Variants in BABAM2 observed in about 807,000 individuals in gnomAD.
BABAM2 encodes BRISC and BRCA1 A complex member 2.
BABAM2 carries 31 observed loss-of-function variants against 54.7 expected under a neutral mutation model. The observed-to-expected ratio is 0.57, with a 90% confidence interval of 0.43 to 0.77. The LOEUF (loss-of-function observed/expected upper bound fraction) is 0.77. Among genes scored for constraint, BABAM2 ranks in the 30% least tolerant of loss-of-function variants. The pLI is 0.00. For missense variants in BABAM2, 364 were observed against 455.8 expected (o/e 0.80, Z 1.83); for synonymous variants, 167 against 162.9 (o/e 1.03, Z -0.19).
At chr2:28,004,131 CAA>C (rs60410658) in intron 4 of BABAM2, among the ~76,000 whole-genome samples, 3 of 136,896 alleles carry the variant, frequency 2.2e-5, no homozygotes, top group Admixed American at 1.5e-4. Flanking sequence ...TTTTAAAAAG[CAA>C]AAAAAAAAAA....
At chr2:27,961,935 G>T (rs551487044) in intron 3 of BABAM2, among the ~76,000 whole-genome samples, 6 of 151,816 alleles carry the variant, frequency 4.0e-5, no homozygotes, top group African/African-American at 1.2e-4. Flanking sequence ...TCACTATGTT[G>T]TCCAGGCTGA....
At chr2:28,030,814 A>G (rs951747082) in intron 5 of BABAM2, among the ~76,000 whole-genome samples, 3 of 152,158 alleles carry the variant, frequency 2.0e-5, no homozygotes, top group Non-Finnish European at 4.4e-5. Flanking sequence ...GAAGTCCAAA[A>G]TGGGTCTCCC....
intron 7 of BABAM2, among the ~76,000 whole-genome samples, chr2:28,172,721 T>C (rs1674494694): frequency 6.6e-6 from 1 of 152,132 alleles, no homozygotes; most frequent in Non-Finnish European, 1.5e-5. Flanking sequence ...TCTTGTTGAG[T>C]AGAAGAAAAA....
At chr2:28,274,118 A>G in intron 10 of BABAM2, among the ~76,000 whole-genome samples, 1 of 151,956 alleles carries the variant, frequency 6.6e-6, no homozygotes, top group Non-Finnish European at 1.5e-5. Context: ...TCAAGACACC[A>G]CCTTTATCTG....
At chr2:27,930,706 A>T (rs188320263) in intron 3 of BABAM2, among the ~76,000 whole-genome samples, 4 of 152,298 alleles carry the variant, frequency 2.6e-5, no homozygotes, top group Non-Finnish European at 5.9e-5. Context: ...GATAGTATGG[A>T]AGATCTGTCA....
intron 4 of BABAM2, among the ~76,000 whole-genome samples, chr2:28,013,818 G>A (rs1459008843): frequency 6.6e-6 from 1 of 151,436 alleles, no homozygotes; most frequent in East Asian, 1.9e-4. Context: ...ATAAAGGAGG[G>A]GCAGAACCAC....
intron 10 of BABAM2, among the ~76,000 whole-genome samples, chr2:28,282,543 C>T (rs990330282): frequency 6.6e-6 from 1 of 152,102 alleles, no homozygotes; most frequent in East Asian, 1.9e-4. Flanking sequence ...CAGGCAGGGT[C>T]GAATCCTGGC....
intron 6 of BABAM2, among the ~76,000 whole-genome samples, chr2:28,117,545 C>T (rs1316798895): frequency 4.6e-5 from 7 of 152,174 alleles, no homozygotes; most frequent in Admixed American, 4.6e-4. Flanking sequence ...GTGGATGCTG[C>T]CTGGACTCTC....
At chr2:27,943,106 G>A (rs1237388588) in intron 3 of BABAM2, among the ~76,000 whole-genome samples, 1 of 152,170 alleles carries the variant, frequency 6.6e-6, no homozygotes, top group East Asian at 1.9e-4. Flanking sequence ...CATACATTTT[G>A]AACCTTGGCC....
chr2:27,944,641 AT>A (rs897571102), intron 3 of BABAM2, among the ~76,000 whole-genome samples: 6 of 150,496 alleles, frequency 4.0e-5, no homozygotes, highest in East Asian at 2.0e-4. Flanking sequence ...GGACATTCGG[AT>A]TTTTTTTTCT....
intron 6 of BABAM2, among the ~76,000 whole-genome samples, chr2:28,113,421 G>T (rs541203472): frequency 1.3e-5 from 2 of 152,090 alleles, no homozygotes; most frequent in Non-Finnish European, 2.9e-5. Flanking sequence ...TTTCCCCATT[G>T]CTTGTTTTTG....
Position 28,322,618 on chromosome 2 carries a change from G to A in BABAM2, c.1089-15832G>A, listed in dbSNP as rs939281983. On this transcript the variant is annotated intron_variant, in intron 11 of 11. Transcript: ENST00000379624. This position sits in a 1 kb window ranked among gnomAD's most constrained non-coding sequence, Gnocchi z 4.1. ...CACCAAATGAGTGGCTCAACAGTTC[G>A]TGTTGTGGAGCTTCAGAGGCAGGAC... Among the ~76,000 whole-genome samples the A allele has an allele frequency of 5.9e-5, 9 of 152,244 alleles. No homozygotes were observed. The highest frequency in any genetic ancestry group is 2.1e-4 in the South Asian group (1 of 4,838).
intron 10 of BABAM2, among the ~76,000 whole-genome samples, chr2:28,253,763 G>C (rs1029352919): frequency 6.6e-6 from 1 of 152,198 alleles, no homozygotes; most frequent in African/African-American, 2.4e-5. Context: ...AGGTCAGAGA[G>C]ATATGGAGAC....
At chr2:27,936,448 A>G (rs1321496954) in intron 3 of BABAM2, among the ~76,000 whole-genome samples, 2 of 152,118 alleles carry the variant, frequency 1.3e-5, no homozygotes, top group Non-Finnish European at 2.9e-5. Flanking sequence ...CCATTACTGG[A>G]TATATACCCA....
At chr2:28,257,701 T>C (rs1285567182) in intron 10 of BABAM2, among the ~76,000 whole-genome samples, 2 of 152,196 alleles carry the variant, frequency 1.3e-5, no homozygotes, top group African/African-American at 4.8e-5. Context: ...CTGAGCAACA[T>C]TGCAAGACCC....
chr2:28,010,310 G>A (rs1674296661), intron 4 of BABAM2, among the ~76,000 whole-genome samples: 1 of 151,912 alleles, frequency 6.6e-6, no homozygotes, highest in Admixed American at 6.6e-5. Flanking sequence ...TATAGATTCT[G>A]TTTTTCCTCT....
At chr2:27,946,913 A>T (rs891208704) in intron 3 of BABAM2, among the ~76,000 whole-genome samples, 6 of 152,182 alleles carry the variant, frequency 3.9e-5, no homozygotes, top group African/African-American at 1.4e-4. Flanking sequence ...TTATTCTTTT[A>T]CTGCCTGTGT....
chr2:28,166,884 T>C (rs916892596), intron 7 of BABAM2, among the ~76,000 whole-genome samples: 1 of 152,200 alleles, frequency 6.6e-6, no homozygotes, highest in African/African-American at 2.4e-5. Flanking sequence ...TTTCATGCCA[T>C]GACCCTGATG....
At chr2:28,092,803 T>A (rs1666272732) in intron 6 of BABAM2, among the ~76,000 whole-genome samples, 1 of 151,738 alleles carries the variant, frequency 6.6e-6, no homozygotes, top group African/African-American at 2.4e-5. Context: ...CCCTGATCAT[T>A]TGTACTTATT....
Sources: gnomAD v4.1 joint callset for allele counts (sites outside exome capture counted in the v4.1 genomes callset) on GRCh38, gnomAD v4.1.1 for gene constraint, Gnocchi (gnomAD v3.1) non-coding constraint, MANE v1.5 for transcripts, NCBI Gene and HGNC (gene_info 2026-07-23, HGNC 2026-07-21) for gene names.